The following RBFOX1 variants were observed in gnomAD, a reference collection of about 807,000 sequenced individuals.
The protein encoded by RBFOX1 is RNA binding protein fox-1 homolog 1.
In RBFOX1, 8 loss-of-function variants were observed where a neutral mutation model predicts 57.7. That is an observed-to-expected ratio of 0.14 (90% CI 0.08 to 0.25). The LOEUF (loss-of-function observed/expected upper bound fraction) is 0.25. Among genes scored for constraint, RBFOX1 ranks in the 10% least tolerant of loss-of-function variants. The pLI, the probability that RBFOX1 is intolerant of heterozygous loss-of-function variation, is 1.00. For synonymous variants in RBFOX1, 326 were observed against 222.4 expected, an observed-to-expected ratio of 1.47 and a Z score of -4.15; for missense variants, 611 against 548.5, an observed-to-expected ratio of 1.11 and a Z score of -1.14.
chr16:7,192,157 G>T (rs894203794), intron 4 of RBFOX1, among the ~76,000 whole-genome samples: 1 of 152,214 alleles, frequency 6.6e-6, no homozygotes, highest in African/African-American at 2.4e-5. Flanking sequence ...GTAGTAGAAG[G>T]AATTCGCAAT....
intron 1 of RBFOX1, among the ~76,000 whole-genome samples, chr16:5,284,028 C>A (rs2063333744): frequency 6.6e-6 from 1 of 152,052 alleles, no homozygotes; most frequent in South Asian, 2.1e-4. Context: ...GTCATGGGGG[C>A]ATGTCTTTCC....
intron 4 of RBFOX1, among the ~76,000 whole-genome samples, chr16:7,446,420 C>G (rs975307100): frequency 6.6e-5 from 10 of 152,174 alleles, no homozygotes; most frequent in Non-Finnish European, 1.3e-4. Flanking sequence ...TATAACTAGA[C>G]AATTATTTTC....
At chr16:6,621,243 C>G (rs534094210) in intron 2 of RBFOX1, among the ~76,000 whole-genome samples, 1 of 152,290 alleles carries the variant, frequency 6.6e-6, no homozygotes, top group South Asian at 2.1e-4. Context: ...CGGCGGATCA[C>G]AAGGTCAGGA....
intron 2 of RBFOX1, among the ~76,000 whole-genome samples, chr16:6,359,763 A>T (rs2088084979): frequency 6.6e-6 from 1 of 152,168 alleles, no homozygotes. Context: ...ACTTATACTT[A>T]TACACAGCCG....
exon 1 of RBFOX1, chr16:5,240,074 C>T (rs2151053870): frequency 2.6e-6 from 4 of 1,531,818 alleles, no homozygotes; most frequent in South Asian, 1.2e-5. Context: ...AGGGAGGAGA[C>T]CGGCACCCAG....
chr16:7,608,187 C>T (rs1190418464), intron 10 of RBFOX1, among the ~76,000 whole-genome samples: 1 of 152,124 alleles, frequency 6.6e-6, no homozygotes, highest in Non-Finnish European at 1.5e-5. Context: ...TGACCTAGAG[C>T]CACTCCCTTA....
intron 1 of RBFOX1, among the ~76,000 whole-genome samples, chr16:5,437,497 C>G (rs1334208961): frequency 6.6e-6 from 1 of 152,140 alleles, no homozygotes; most frequent in Non-Finnish European, 1.5e-5. Flanking sequence ...TGCAAACTAC[C>G]TAAAGTGAAA....
intron 4 of RBFOX1, among the ~76,000 whole-genome samples, chr16:7,477,905 A>G (rs951283666): frequency 6.6e-6 from 1 of 152,204 alleles, no homozygotes; most frequent in Non-Finnish European, 1.5e-5. Context: ...AAGACATCTT[A>G]AAGCATCTTG....
At chr16:7,387,513 C>G (rs1221408679) in intron 4 of RBFOX1, among the ~76,000 whole-genome samples, 2 of 152,164 alleles carry the variant, frequency 1.3e-5, no homozygotes, top group Non-Finnish European at 2.9e-5. Context: ...CGTTTCTTAT[C>G]AAAATTGCAC....
intron 4 of RBFOX1, among the ~76,000 whole-genome samples, chr16:7,156,624 T>C (rs1437342393): frequency 1.3e-5 from 2 of 152,154 alleles, no homozygotes; most frequent in African/African-American, 4.8e-5. Flanking sequence ...TGTATATACA[T>C]ATGCTGGAAG....
chr16:5,638,148 A>T (rs1226259557), intron 3 of RBFOX1, among the ~76,000 whole-genome samples: 1 of 152,208 alleles, frequency 6.6e-6, no homozygotes, highest in Non-Finnish European at 1.5e-5. Context: ...TACATATGTG[A>T]TTATTGACTA....
At chr16:6,824,325 G>A (rs1011315429) in intron 3 of RBFOX1, among the ~76,000 whole-genome samples, 1 of 152,178 alleles carries the variant, frequency 6.6e-6, no homozygotes, top group Non-Finnish European at 1.5e-5. Flanking sequence ...AGAGTCACTT[G>A]AACCAGAGAG....
chr16:7,344,057 A>G (rs2096947478), intron 4 of RBFOX1, among the ~76,000 whole-genome samples: 1 of 145,276 alleles, frequency 6.9e-6, no homozygotes, highest in Non-Finnish European at 1.5e-5. Flanking sequence ...GGCTAAGAGT[A>G]TGAGCCCTTG....
intron 1 of RBFOX1, among the ~76,000 whole-genome samples, chr16:5,353,050 C>G (rs1000737282): frequency 6.6e-6 from 1 of 152,094 alleles, no homozygotes; most frequent in Non-Finnish European, 1.5e-5. Flanking sequence ...AGAGATGAAA[C>G]GTTGCATTTA....
At chr16:7,548,622 C>T (rs7187403) in intron 5 of RBFOX1, among the ~76,000 whole-genome samples, 3,745 of 152,298 alleles carry the variant, frequency 0.025, 188 homozygotes, top group African/African-American at 0.085. Context: ...GCAGGATGCT[C>T]TGGGGCAGGA....
chr16:7,695,150 A>T (rs1266533868), intron 14 of RBFOX1, among the ~76,000 whole-genome samples: 1 of 152,154 alleles, frequency 6.6e-6, no homozygotes, highest in Non-Finnish European at 1.5e-5. Flanking sequence ...AGATTGAGAG[A>T]GATATCCCTA....
At position 5,590,254 on chromosome 16, in the gene RBFOX1, GA is replaced by G. The variant is rs923260551; in HGVS notation, c.259-8640del. Among the ~76,000 whole-genome samples the G allele has an allele frequency of 9.2e-4, 140 of 151,836 alleles. 1 individual carries two copies. Among genetic ancestry groups the G allele is most frequent in the African/African-American group, 3.0e-3 (124 of 41,314 alleles). On this transcript the variant is annotated intron_variant, in intron 2 of 2. Transcript: ENST00000585867. ...GGAAGTGGTAGTGTTCCAAAGAGGG[GA>G]AAAAAAACCGAGCTCACTTGCATTG...
intron 2 of RBFOX1, among the ~76,000 whole-genome samples, chr16:6,511,617 A>G (rs1252763517): frequency 1.3e-5 from 2 of 152,300 alleles, no homozygotes; most frequent in East Asian, 3.9e-4. Context: ...CCTGGTTAGA[A>G]TGAGCGCCAA....
intron 3 of RBFOX1, among the ~76,000 whole-genome samples, chr16:6,805,064 T>C (rs1231382958): frequency 6.6e-6 from 1 of 152,182 alleles, no homozygotes; most frequent in Non-Finnish European, 1.5e-5. Flanking sequence ...GGAATATAAA[T>C]TATTCTACCA....
Sources: gnomAD v4.1 joint callset for allele counts (sites outside exome capture counted in the v4.1 genomes callset) on GRCh38, gnomAD v4.1.1 for gene constraint, MANE v1.5 for transcripts, NCBI Gene and HGNC (gene_info 2026-07-23, HGNC 2026-07-21) for gene names.